ZZZ3: variants seen among roughly 807,000 people sequenced by gnomAD.
ZZZ3 encodes zinc finger ZZ-type containing 3.
ZZZ3 carries 22 observed loss-of-function variants against 95.2 expected under a neutral mutation model. The observed-to-expected ratio is 0.23, with a 90% CI of 0.17 to 0.33. The LOEUF (loss-of-function observed/expected upper bound fraction) is 0.33. Among genes scored for constraint, ZZZ3 ranks in the 10% least tolerant of loss-of-function variants. The pLI is 1.00. For missense variants in ZZZ3, 885 were observed against 1,066.5 expected, an observed-to-expected ratio of 0.83 and a Z score of 2.37; for synonymous variants, 335 against 358.9, an observed-to-expected ratio of 0.93 and a Z score of 0.75.
chr1:77,631,831 T>C lies in ZZZ3; in HGVS notation c.1505+19A>G. The C allele has an allele frequency of 3.3e-6, 5 of 1,514,042 alleles. No homozygotes were observed. The highest frequency in any genetic ancestry group is 4.4e-6 in the Non-Finnish European group (5 of 1,125,916). The allele number at this position is 1,514,042 out of a possible 1,614,324, so 93.8% of individuals were successfully genotyped here. Reference sequence around the variant, plus strand: ...ATAATAAACAAAGCAGAATTCATGGTTACCATATTTACACATACTCTTTGT... The same window carrying C: ...ATAATAAACAAAGCAGAATTCATGGCTACCATATTTACACATACTCTTTGT... On this transcript the variant is annotated intron_variant, in intron 5 of 14. Coordinates refer to ENST00000370801, the MANE Select transcript of ZZZ3 (RefSeq NM_015534.6).
At chr1:77,676,471 T>C (rs1475260304) in intron 1 of ZZZ3, among the ~76,000 whole-genome samples, 2 of 152,210 alleles carry the variant, frequency 1.3e-5, no homozygotes, top group African/African-American at 2.4e-5. Flanking sequence ...GCCAGCATAG[T>C]ACTTTTAAGT....
chr1:77,670,849 ACT>A lies in ZZZ3; in HGVS notation c.-403+11734_-403+11735del, dbSNP rs566740710. On this transcript the variant is annotated intron_variant, in intron 1 of 14. Coordinates refer to ENST00000370801, the MANE Select transcript of ZZZ3 (RefSeq NM_015534.6). ...TGCATGATAAAAACTATCACAAAAG[ACT>A]CTGCAAAAACTACAACCTTATACAA... 3.5e-3 allele frequency among the ~76,000 whole-genome samples: 536 copies of A among 151,910 alleles called. 3 individuals carry two copies. Among genetic ancestry groups the A allele is most frequent in the African/African-American group, 0.012 (514 of 41,422 alleles).
At chr1:77,629,107 G>C (rs990172029) in intron 5 of ZZZ3, among the ~76,000 whole-genome samples, 3 of 152,076 alleles carry the variant, frequency 2.0e-5, no homozygotes, top group Non-Finnish European at 4.4e-5. Context: ...TGGCAACTTG[G>C]ATTAAAAAGA....
chr1:77,632,696 G>A lies in ZZZ3; in HGVS notation c.659C>T (p.Pro220Leu). The A allele has an allele frequency of 6.2e-7, 1 of 1,614,086 alleles. No homozygotes were observed. Among genetic ancestry groups the A allele is most frequent in the Non-Finnish European group, 8.5e-7 (1 of 1,180,018 alleles). Reference sequence around the variant, plus strand: ...GCTATTTTGTTTAGTGTTCCCATCAGGCTGACAGTCATCACAGTTTATAAC... The same window carrying A: ...GCTATTTTGTTTAGTGTTCCCATCAAGCTGACAGTCATCACAGTTTATAAC... The part of the protein sequence containing the change: ...SAVINCDDCQ[P>L]DGNTKQNSIG... Residue 220 changes from proline (P) to leucine (L), a missense_variant, in exon 5 of 15, where the codon CCT (proline) becomes CTT (leucine). Physicochemically the swap from Pro to Leu is moderately conservative, Grantham distance 98 (BLOSUM62 -3). Transcript: ENST00000370801.
chr1:77,579,498 C>T, intron 10 of ZZZ3, 29 bp downstream of exon 10: 1 of 1,501,582 alleles, frequency 6.7e-7, no homozygotes, highest in Non-Finnish European at 9.2e-7. Flanking sequence ...AAAAGCATAC[C>T]AGCAATCTGC....
chr1:77,672,883 T>C (rs1438683464), intron 1 of ZZZ3, among the ~76,000 whole-genome samples: 2 of 152,210 alleles, frequency 1.3e-5, no homozygotes, highest in Admixed American at 6.5e-5. Flanking sequence ...CCCTATTGCA[T>C]GATGTTTCCC....
rs748839828 is a variant in ZZZ3, at chr1:77,584,635, G to A, written c.1526C>T (p.Thr509Met). 2.1e-5 allele frequency: 34 copies of A among 1,592,200 alleles called. No homozygotes were observed. Among genetic ancestry groups the A allele is most frequent in the Non-Finnish European group, 2.2e-5 (26 of 1,173,926 alleles). Residue 509 changes from threonine to methionine, a missense_variant, in exon 6 of 15, where the codon ACG (threonine) becomes ATG (methionine). Thr to Met is a moderately conservative substitution (Grantham distance 81). Coordinates refer to ENST00000370801, the MANE Select transcript of ZZZ3 (RefSeq NM_015534.6). ...ACGCTGAGCCTCGAGTACAGCAATC[G>A]TCTGTAATAGTCTCTGATAACTACA... ...HNKDYQRLLQ[T>M]IAVLEAQRSQ...
intron 6 of ZZZ3, among the ~76,000 whole-genome samples, chr1:77,582,911 C>T (rs190843728): frequency 0.01 from 1,588 of 152,030 alleles, 18 homozygotes; most frequent in Non-Finnish European, 0.015. Flanking sequence ...TTCAGACCAA[C>T]CTGGCCAACA....
chr1:77,604,660 T>A (rs1665057655), intron 5 of ZZZ3, among the ~76,000 whole-genome samples: 1 of 152,224 alleles, frequency 6.6e-6, no homozygotes, highest in Admixed American at 6.5e-5. Flanking sequence ...TGTAAACATG[T>A]TTAAATTAAG....
chr1:77,634,790 G>A (rs1039679714), intron 4 of ZZZ3, among the ~76,000 whole-genome samples: 2 of 152,112 alleles, frequency 1.3e-5, no homozygotes, highest in Non-Finnish European at 2.9e-5. Context: ...ATATTTTCCA[G>A]AGGCTCTCCC....
chr1:77,642,086 A>G (rs1468001219), intron 1 of ZZZ3, among the ~76,000 whole-genome samples: 1 of 152,218 alleles, frequency 6.6e-6, no homozygotes, highest in African/African-American at 2.4e-5. Context: ...CGGTCCTTTA[A>G]ATGTCACTTT....
chr1:77,620,843 T>C (rs1204627703), intron 5 of ZZZ3, among the ~76,000 whole-genome samples: 1 of 152,060 alleles, frequency 6.6e-6, no homozygotes, highest in Non-Finnish European at 1.5e-5. Context: ...CAGCAGTGAG[T>C]GGGAACACCC....
intron 1 of ZZZ3, among the ~76,000 whole-genome samples, chr1:77,672,964 T>C (rs1671920216): frequency 6.6e-6 from 1 of 152,160 alleles, no homozygotes; most frequent in South Asian, 2.1e-4. Context: ...GCTAAAACTT[T>C]ACAATCATTT....
At position 77,631,958 on chromosome 1, in the gene ZZZ3, A is replaced by C; in HGVS notation, c.1397T>G (p.Leu466Trp). 2 of 1,614,102 alleles carry C rather than the reference A, an allele frequency of 1.2e-6. No homozygotes were observed. The highest frequency in any genetic ancestry group is 1.7e-6 in the Non-Finnish European group (2 of 1,179,986). ...ACTGGCACTCTCTTTGGCAGATGGCAAATGTCCAATATTGAGTCTTGCCTC... is the reference window on the plus strand; with the variant it reads ...ACTGGCACTCTCTTTGGCAGATGGCCAATGTCCAATATTGAGTCTTGCCTC... The part of the protein sequence containing the change: ...PSEARLNIGH[L>W]PSAKESASQH... Residue 466 changes from leucine to tryptophan, a missense_variant, in exon 5 of 15, where the codon TTG becomes TGG. By Grantham distance (61) the Leu-to-Trp change is moderately conservative. Around this residue, in one of 5 missense-constraint regions of ZZZ3, gnomAD observed 556 missense variants for 652.9 expected, o/e 0.85. Transcript: ENST00000370801.
At chr1:77,634,807 C>T (rs548608641) in intron 4 of ZZZ3, among the ~76,000 whole-genome samples, 1 of 152,184 alleles carries the variant, frequency 6.6e-6, no homozygotes, top group Non-Finnish European at 1.5e-5. Context: ...TCCCATCAAG[C>T]AGAATAAAGG....
intron 5 of ZZZ3, among the ~76,000 whole-genome samples, chr1:77,631,239 G>A (rs1439966189): frequency 6.6e-6 from 1 of 152,136 alleles, no homozygotes; most frequent in Non-Finnish European, 1.5e-5. Context: ...TTAGTATCAG[G>A]AAAAGCTATG....
intron 1 of ZZZ3, among the ~76,000 whole-genome samples, chr1:77,644,939 C>T (rs965579403): frequency 1.3e-5 from 2 of 152,098 alleles, no homozygotes; most frequent in Non-Finnish European, 2.9e-5. Flanking sequence ...CTTTAGTGTT[C>T]GGGCTGGGCA....
At chr1:77,593,472 TTTA>T (rs1250037247) in intron 5 of ZZZ3, among the ~76,000 whole-genome samples, 2 of 152,254 alleles carry the variant, frequency 1.3e-5, no homozygotes, top group South Asian at 4.1e-4. Context: ...AAAACTAAAC[TTTA>T]TTGTTAAAAG....
chr1:77,648,642 G>A (rs1669521975), intron 1 of ZZZ3, among the ~76,000 whole-genome samples: 1 of 152,166 alleles, frequency 6.6e-6, no homozygotes, highest in South Asian at 2.1e-4. Context: ...TCAATCTGAT[G>A]CCATAGCAAT....
Sources: allele counts gnomAD v4.1 joint callset (sites outside exome capture counted in the v4.1 genomes callset), GRCh38; gene constraint gnomAD v4.1.1; regional missense constraint gnomAD v4.1.1; transcripts MANE v1.5; gene names NCBI Gene and HGNC (gene_info 2026-07-23, HGNC 2026-07-21).